The following ASPG variants were observed in gnomAD, a reference collection of about 807,000 sequenced individuals.
ASPG encodes asparaginase.
In ASPG, 53 loss-of-function variants were observed where a neutral mutation model predicts 63.2. The ratio of observed to expected loss-of-function variants is 0.84; its 90% CI spans 0.67 to 1.05. ASPG has a LOEUF of 1.05. Ranked by LOEUF, ASPG falls within the 50% of genes least tolerant of loss-of-function variation. The pLI, the probability that ASPG is intolerant of heterozygous loss-of-function variation, is 0.00. For missense variants in ASPG, 741 were observed against 794.4 expected, an observed-to-expected ratio of 0.93 and a Z score of 0.81; for synonymous variants, 370 against 355.0, an observed-to-expected ratio of 1.04 and a Z score of -0.48.
At chr14:104,090,567 C>T (rs78242346) in intron 1 of ASPG, among the ~76,000 whole-genome samples, 3,218 of 152,350 alleles carry the variant, frequency 0.021, 46 homozygotes, top group Non-Finnish European at 0.03. Flanking sequence ...AGGAGCCACC[C>T]CTGCCACCTC....
Position 104,103,749 on chromosome 14 carries a change from C to T in ASPG, c.753+74C>T, listed in dbSNP as rs2036988527. On this transcript the variant is annotated intron_variant, in intron 7 of 15. Coordinates refer to ENST00000551177, the MANE Select transcript of ASPG (RefSeq NM_001080464.3). ...CTCTGCAGCTCCCACGGCCCTCAGG[C>T]TCCCTGGGGCCCTCACCAGCCAGTG... 5.4e-6 allele frequency: 7 copies of T among 1,307,752 alleles called. No homozygotes were observed. In the South Asian group the frequency reaches 9.4e-5, roughly 17 times the overall value. The allele number at this position is 1,307,752 out of a possible 1,614,324, so 81.0% of individuals were successfully genotyped here. A position where few individuals can be genotyped will look rare whatever the true frequency, so the allele number is the denominator to read the frequency against.
chr14:104,114,810 T>C lies in ASPG; in HGVS notation c.*2266T>C, dbSNP rs2037441840. ...GGCACCGGGTCCCCGTCTATCCTAC[T>C]TCATGGCTGAGGAAGCTAAGGCACA... On this transcript the variant is annotated 3_prime_UTR_variant, in exon 16 of 16. Coordinates refer to ENST00000551177, the MANE Select transcript of ASPG (RefSeq NM_001080464.3). The C allele has an allele frequency of 1.3e-5, 2 of 152,318 alleles. No individual in the cohort carries two copies. Among genetic ancestry groups the C allele is most frequent in the African/African-American group, 4.8e-5 (2 of 41,458 alleles). The allele number at this position is 152,318 out of a possible 1,614,324, so 9.4% of individuals were successfully genotyped here.
Position 104,105,344 on chromosome 14 carries a change from T to C in ASPG, c.1067T>C (p.Leu356Pro). 3 of 1,612,594 alleles carry C rather than the reference T, an allele frequency of 1.9e-6. No individual in the cohort carries two copies. The highest frequency in any genetic ancestry group is 1.7e-4 in the Middle Eastern group (1 of 6,058). ...CTCCACCAGCTGCTGACCAAGGACC[T>C]TCGGGGGGAGATGACGCCACCCTCG... ...DVRKELLTKD[L>P]RGEMTPPSVE... is the part of the protein sequence containing the mutation. The change falls in exon 10 of 16, where the codon CTT (leucine) becomes CCT (proline). Residue 356 changes from leucine (L) to proline (P), a missense_variant. Leu to Pro is a moderately conservative substitution (Grantham distance 98, BLOSUM62 -3). Coordinates refer to ENST00000551177, the MANE Select transcript of ASPG (RefSeq NM_001080464.3).
At chr14:104,098,732 G>A in intron 5 of ASPG, 121 bp from the exon 6 acceptor site, 1 of 1,453,206 alleles carries the variant, frequency 6.9e-7, no homozygotes, top group South Asian at 1.3e-5. Context: ...GGTGGGTGGG[G>A]TTACAGTCCC....
At chr14:104,099,042 G>A in intron 6 of ASPG, 63 bp downstream of exon 6, 2 of 1,523,888 alleles carry the variant, frequency 1.3e-6, no homozygotes, top group South Asian at 1.2e-5. Flanking sequence ...AGGGGCTGCT[G>A]CAGGGAGCTC....
At position 104,107,238 on chromosome 14, in the gene ASPG, C is replaced by T; in HGVS notation, c.1326C>T (p.Ala442=). The change falls in exon 12 of 16, where the codon GCC becomes GCT. Residue 442 remains alanine (A), a synonymous_variant. Transcript: ENST00000551177. ...FNGQTPLHAA[A]RGGHTEAVTM... is the part of the protein sequence containing the mutation. ...GCCAAACCCCACTGCACGCGGCCGCCCGGGGAGGCCACACAGAGGCAGTCA... is the reference window on the plus strand; with the variant it reads ...GCCAAACCCCACTGCACGCGGCCGCTCGGGGAGGCCACACAGAGGCAGTCA... 6.2e-7 allele frequency: 1 copy of T among 1,607,050 alleles called. No individual in the cohort carries two copies. The highest frequency in any genetic ancestry group is 1.1e-5 in the South Asian group (1 of 90,460).
intron 1 of ASPG, 99 bp from the exon 2 acceptor site, chr14:104,092,534 G>C (rs1351130609): frequency 2.0e-6 from 2 of 989,844 alleles, no homozygotes; most frequent in Admixed American, 2.0e-5. Flanking sequence ...TAAGACCGGA[G>C]CCCCATCCCA....
intron 5 of ASPG, 52 bp downstream of exon 5, chr14:104,097,689 C>T (rs1596079323): frequency 6.6e-7 from 1 of 1,520,256 alleles, no homozygotes. Context: ...GGGCAGGAGC[C>T]CAGACAGCAG....
In ASPG at chr14:104,109,953, C is replaced by T. The variant is rs2141058849; in HGVS notation, c.1520+638C>T. The T allele has an allele frequency of 1.0e-5, 10 of 985,216 alleles. No individual in the cohort carries two copies. The highest frequency in any genetic ancestry group is 1.1e-4 in the East Asian group (1 of 8,808). The allele number at this position is 985,216 out of a possible 1,614,324, so 61.0% of individuals were successfully genotyped here. A position where few individuals can be genotyped will look rare whatever the true frequency, so the allele number is the denominator to read the frequency against. Reference sequence around the variant, plus strand: ...GACTGAGGCGCAGGGAGGCCTTCGGCGAGGGTGTCGGTTGTGGGTGGAGGT... The same window carrying T: ...GACTGAGGCGCAGGGAGGCCTTCGGTGAGGGTGTCGGTTGTGGGTGGAGGT... On this transcript the variant is annotated intron_variant, in intron 13 of 15. Coordinates refer to ENST00000551177, the MANE Select transcript of ASPG (RefSeq NM_001080464.3). This position sits in a 1 kb window ranked among gnomAD's most constrained non-coding sequence, Gnocchi z 4.8.
rs114491725 is a variant in ASPG, at chr14:104,098,721, C to A, written c.514-132C>A. On this transcript the variant is annotated intron_variant, in intron 5 of 15. Coordinates refer to ENST00000551177, the MANE Select transcript of ASPG (RefSeq NM_001080464.3). Reference sequence around the variant, plus strand: ...CTGCTCCCAGGAAGGTCTCTGCCTGCGGTGGGTGGGGTTACAGTCCCACCT... The same window carrying A: ...CTGCTCCCAGGAAGGTCTCTGCCTGAGGTGGGTGGGGTTACAGTCCCACCT... 3,612 of 1,379,462 alleles carry A rather than the reference C, an allele frequency of 2.6e-3. 80 individuals carry two copies. In the African/African-American group the frequency reaches 0.046, roughly 17 times the overall value. The allele number at this position is 1,379,462 out of a possible 1,614,324, so 85.5% of individuals were successfully genotyped here. A position where few individuals can be genotyped will look rare whatever the true frequency, so the allele number is the denominator to read the frequency against.
In ASPG at chr14:104,110,052, T is replaced by TCC. The variant is rs2141059238; in HGVS notation, c.1520+737_1520+738insCC. 1 of 985,400 alleles carries TCC rather than the reference T, an allele frequency of 1.0e-6. No individual in the cohort carries two copies. The highest frequency in any genetic ancestry group is 4.7e-5 in the South Asian group (1 of 21,278). 61.0% of individuals were successfully genotyped at this position (985,400 alleles called of 1,614,324 possible). A position where few individuals can be genotyped will look rare whatever the true frequency, so the allele number is the denominator to read the frequency against. On this transcript the variant is annotated intron_variant, in intron 13 of 15. Coordinates refer to ENST00000551177, the MANE Select transcript of ASPG (RefSeq NM_001080464.3). This position sits in a 1 kb window ranked among gnomAD's most constrained non-coding sequence, Gnocchi z 4.7. Reference sequence around the variant, plus strand: ...TGCCCCCCACCCCATGCCTTGTGCCTGGTGACTTGGCGCTGCCTCCTGTGC... The same window carrying TCC: ...TGCCCCCCACCCCATGCCTTGTGCCTCCGGTGACTTGGCGCTGCCTCCTGTGC...
chr14:104,093,154 G>C (rs1046117459), intron 2 of ASPG: 12 of 501,198 alleles, frequency 2.4e-5, no homozygotes, highest in Admixed American at 2.0e-4. Context: ...TTGCCCTCGT[G>C]GTGGCTGACC....
In ASPG at chr14:104,112,610, G is replaced by T; in HGVS notation, c.*66G>T. ...CCATGACCTGCTGGAGGGGTCTCAG[G>T]CATGACCCCACTGCTGGGGCTGCTT... is the stretch of plus-strand genomic sequence containing the variant. On this transcript the variant is annotated 3_prime_UTR_variant, in exon 16 of 16. Coordinates refer to ENST00000551177, the MANE Select transcript of ASPG (RefSeq NM_001080464.3). 2 of 1,588,088 alleles carry T rather than the reference G, an allele frequency of 1.3e-6. No homozygotes were observed. The highest frequency in any genetic ancestry group is 2.3e-5 in the South Asian group (2 of 87,838).
chr14:104,109,141 C>T lies in ASPG; in HGVS notation c.1434-88C>T. On this transcript the variant is annotated intron_variant, in intron 12 of 15. Transcript: ENST00000551177. This position sits in a 1 kb window ranked among gnomAD's most constrained non-coding sequence, Gnocchi z 4.8. ...GCCGGCCGGTCCCCGTCCCTGTGCA[C>T]AGGACATGAGCTCTGCTGGCTCCTG... 6.4e-7 allele frequency: 1 copy of T among 1,562,162 alleles called. No homozygotes were observed. Among genetic ancestry groups the T allele is most frequent in the Non-Finnish European group, 8.7e-7 (1 of 1,155,830 alleles).
In ASPG at chr14:104,106,821, C is replaced by T; in HGVS notation, c.1196C>T (p.Ala399Val). Residue 399 changes from alanine to valine, a missense_variant, in exon 11 of 16, where the codon GCC becomes GTC. Coordinates refer to ENST00000551177, the MANE Select transcript of ASPG (RefSeq NM_001080464.3). ...GSQEADALRN[A>V]LVPSLACAAA... ...TAGGAGGCAGATGCCCTGCGGAATGCCCTGGTGCCCAGCCTGGCCTGTGCT... is the reference window on the plus strand; with the variant it reads ...TAGGAGGCAGATGCCCTGCGGAATGTCCTGGTGCCCAGCCTGGCCTGTGCT... 6.2e-7 allele frequency: 1 copy of T among 1,600,182 alleles called. No homozygotes were observed. The highest frequency in any genetic ancestry group is 2.3e-5 in the East Asian group (1 of 44,338).
At chr14:104,105,102 C>T (rs12887919) in intron 9 of ASPG, 85,894 of 649,580 alleles carry the variant, frequency 0.13, 6,580 homozygotes, top group Non-Finnish European at 0.17. Context: ...TGGGGCTGGA[C>T]GGAGGCTTTT....
intron 6 of ASPG, among the ~76,000 whole-genome samples, chr14:104,102,470 C>T (rs1327244726): frequency 6.6e-6 from 1 of 152,200 alleles, no homozygotes; most frequent in Non-Finnish European, 1.5e-5. Flanking sequence ...CCGTGCCGGG[C>T]TCTCCAGGCG....
At chr14:104,107,641 A>G (rs1263418028) in intron 12 of ASPG, among the ~76,000 whole-genome samples, 2 of 152,160 alleles carry the variant, frequency 1.3e-5, no homozygotes, top group African/African-American at 2.4e-5. Context: ...GACGCGGTCA[A>G]TAAAAAGCAG....
At position 104,110,505 on chromosome 14, in the gene ASPG, G is replaced by A. The variant is rs2037338989; in HGVS notation, c.1521-997G>A. 1 of 985,320 alleles carries A rather than the reference G, an allele frequency of 1.0e-6. No homozygotes were observed. The highest frequency in any genetic ancestry group is 4.7e-5 in the South Asian group (1 of 21,282). The allele number at this position is 985,320 out of a possible 1,614,324, so 61.0% of individuals were successfully genotyped here. A position where few individuals can be genotyped will look rare whatever the true frequency, so the allele number is the denominator to read the frequency against. The stretch of plus-strand genomic sequence containing the variant: ...CCCTGGTCCAGGACTCTGCTTGGAA[G>A]TGGCCTGGCCAGCCTGAGCTGCTGG... On this transcript the variant is annotated intron_variant, in intron 13 of 15. Coordinates refer to ENST00000551177, the MANE Select transcript of ASPG (RefSeq NM_001080464.3). This position sits in a 1 kb window ranked among gnomAD's most constrained non-coding sequence, Gnocchi z 4.7.
Sources: gnomAD v4.1 joint callset for allele counts (sites outside exome capture counted in the v4.1 genomes callset) on GRCh38, gnomAD v4.1.1 for gene constraint, Gnocchi (gnomAD v3.1) non-coding constraint, MANE v1.5 for transcripts, NCBI Gene and HGNC (gene_info 2026-07-23, HGNC 2026-07-21) for gene names.